Variants in CREBRF observed in about 807,000 individuals in gnomAD.
CREBRF encodes the protein UPF0474 protein C5orf41.
Under a neutral mutation model 66.1 loss-of-function variants are expected in CREBRF, and 5 were observed. The ratio of observed to expected loss-of-function variants is 0.08; its 90% confidence interval spans 0.04 to 0.16. The LOEUF is 0.16. Ranked by LOEUF, CREBRF falls within the 10% of genes least tolerant of loss-of-function variation. CREBRF has a pLI of 1.00. For missense variants in CREBRF, 531 were observed against 744.9 expected, an observed-to-expected ratio of 0.71 and a Z score of 3.34; for synonymous variants, 229 against 264.4, an observed-to-expected ratio of 0.87 and a Z score of 1.30.
At chr5:173,115,935 T>G (rs1274957043) in intron 7 of CREBRF, among the ~76,000 whole-genome samples, 1 of 152,204 alleles carries the variant, frequency 6.6e-6, no homozygotes, top group Non-Finnish European at 1.5e-5. Flanking sequence ...AAATTGTCCC[T>G]CTCACTTTCC....
intron 2 of CREBRF, among the ~76,000 whole-genome samples, chr5:173,084,278 AAAAC>A (rs1168820677): frequency 6.6e-6 from 1 of 152,144 alleles, no homozygotes; most frequent in Non-Finnish European, 1.5e-5. Context: ...ACAAGACTGA[AAAAC>A]AAACTGCACA....
At chr5:173,060,988 GAC>G (rs1244741752) in intron 1 of CREBRF, among the ~76,000 whole-genome samples, 1 of 152,082 alleles carries the variant, frequency 6.6e-6, no homozygotes, top group Non-Finnish European at 1.5e-5. Context: ...CGTTTTTTGA[GAC>G]AGAGTCTAGT....
At chr5:173,078,570 T>C (rs1381452920) in intron 1 of CREBRF, among the ~76,000 whole-genome samples, 1 of 151,324 alleles carries the variant, frequency 6.6e-6, no homozygotes, top group Non-Finnish European at 1.5e-5. Flanking sequence ...TTTCTTTTTT[T>C]TTTTTTGAGA....
At chr5:173,132,434 TCC>T (rs1561585589) in intron 8 of CREBRF, among the ~76,000 whole-genome samples, 3 of 508 alleles carry the variant, frequency 5.9e-3, no homozygotes, top group African/African-American at 0.015. Flanking sequence ...TCCCCTCCCC[TCC>T]CCTCCCCTCC....
intron 1 of CREBRF, among the ~76,000 whole-genome samples, chr5:173,070,896 A>G (rs1213282505): frequency 6.6e-6 from 1 of 152,116 alleles, no homozygotes; most frequent in African/African-American, 2.4e-5. Context: ...GGATTTTCCC[A>G]TTCATTTTCA....
intron 1 of CREBRF, among the ~76,000 whole-genome samples, chr5:173,065,668 C>CT (rs745391126): frequency 0.15 from 19,651 of 127,004 alleles, 2,384 homozygotes; most frequent in African/African-American, 0.33. Context: ...TCTTCTTCTT[C>CT]TTTTTTTTTT....
intron 7 of CREBRF, among the ~76,000 whole-genome samples, chr5:173,118,096 G>T (rs888237880): frequency 6.6e-6 from 1 of 152,050 alleles, no homozygotes; most frequent in African/African-American, 2.4e-5. Flanking sequence ...GGATGGTCTC[G>T]ATCTCCTGAC....
chr5:173,099,337 G>A (rs1478597405), intron 4 of CREBRF, among the ~76,000 whole-genome samples: 3 of 152,132 alleles, frequency 2.0e-5, no homozygotes, highest in Admixed American at 1.3e-4. Context: ...GGTATTGTTT[G>A]TAGAGATGAG....
chr5:173,105,389 G>A (rs1445417192), intron 4 of CREBRF, among the ~76,000 whole-genome samples: 1 of 152,146 alleles, frequency 6.6e-6, no homozygotes, highest in Non-Finnish European at 1.5e-5. Context: ...GCATCTGCCT[G>A]TGTTGAGGTG....
intron 1 of CREBRF, among the ~76,000 whole-genome samples, chr5:173,069,827 G>A (rs2113677159): frequency 6.6e-6 from 1 of 152,206 alleles, no homozygotes; most frequent in South Asian, 2.1e-4. Flanking sequence ...TTCACAGTAG[G>A]AAGGAATTTG....
At chr5:173,089,216 A>AACAC (rs113514387) in intron 3 of CREBRF, among the ~76,000 whole-genome samples, 52 of 145,730 alleles carry the variant, frequency 3.6e-4, no homozygotes, top group African/African-American at 1.0e-3. Flanking sequence ...ATACACAGAC[A>AACAC]ACACACACAC....
intron 2 of CREBRF, among the ~76,000 whole-genome samples, chr5:173,083,374 A>C (rs2113715084): frequency 6.6e-6 from 1 of 152,300 alleles, no homozygotes; most frequent in South Asian, 2.1e-4. Context: ...AAATGTAAAA[A>C]GAAGATAGAG....
chr5:173,086,201 C>A (rs561248233), intron 2 of CREBRF: 3 of 762,888 alleles, frequency 3.9e-6, no homozygotes, highest in East Asian at 2.5e-5. Flanking sequence ...ATTTAATTGT[C>A]TGCATTGCTG....
At chr5:173,067,608 TA>T (rs1455270299) in intron 1 of CREBRF, among the ~76,000 whole-genome samples, 1 of 152,190 alleles carries the variant, frequency 6.6e-6, no homozygotes, top group Non-Finnish European at 1.5e-5. Flanking sequence ...AGTTACAATT[TA>T]AAAAACACTA....
At chr5:173,089,798 C>T (rs1001830826) in intron 3 of CREBRF, among the ~76,000 whole-genome samples, 1 of 151,996 alleles carries the variant, frequency 6.6e-6, no homozygotes, top group African/African-American at 2.4e-5. Flanking sequence ...CTTTGGATTG[C>T]TCTTTGCCTC....
chr5:173,122,534 A>AT (rs1407824376), intron 7 of CREBRF, among the ~76,000 whole-genome samples: 1 of 146,780 alleles, frequency 6.8e-6, no homozygotes, highest in Non-Finnish European at 1.5e-5. Context: ...TGAGCATAGA[A>AT]TTTTTTTTAT....
At chr5:173,068,035 T>A in intron 1 of CREBRF, 1 of 359,616 alleles carries the variant, frequency 2.8e-6, no homozygotes, top group Non-Finnish European at 5.5e-6. Context: ...TTGTCTTCTG[T>A]TTTAAAATGT....
At chr5:173,082,013 T>TTTTTTTTTTTTTTTGTTTG (rs1757964731) in intron 2 of CREBRF, among the ~76,000 whole-genome samples, 2 of 123,628 alleles carry the variant, frequency 1.6e-5, no homozygotes, top group Non-Finnish European at 3.4e-5. Flanking sequence ...GTTTTTTTTT[T>TTTTTTTTTTTTTTTGTTTG]TTTTTTTTTT....
rs1759582880 is a variant in CREBRF, at chr5:173,136,058, A to C, written c.*2313A>C. 1 of 152,462 alleles carries C rather than the reference A, an allele frequency of 6.6e-6. No homozygotes were observed. The highest frequency in any genetic ancestry group is 2.4e-5 in the African/African-American group (1 of 41,450). 9.4% of individuals were successfully genotyped at this position (152,462 alleles called of 1,614,324 possible). A position where few individuals can be genotyped will look rare whatever the true frequency, so the allele number is the denominator to read the frequency against. ...TGACAGAGTGTGTCTGGTAAATTGA[A>C]AAGTGTTTCAAACTATGGCAGTTTT... On this transcript the variant is annotated 3_prime_UTR_variant, in exon 9 of 9. Coordinates refer to ENST00000296953, the MANE Select transcript of CREBRF (RefSeq NM_153607.3).
Sources: gnomAD v4.1 joint callset for allele counts (sites outside exome capture counted in the v4.1 genomes callset) on GRCh38, gnomAD v4.1.1 for gene constraint, MANE v1.5 for transcripts, NCBI Gene and HGNC (gene_info 2026-07-23, HGNC 2026-07-21) for gene names.